The following XPO4 variants were observed in gnomAD, a reference collection of about 807,000 sequenced individuals.
XPO4 encodes the protein exportin 4.
In XPO4, 39 loss-of-function variants were observed where a neutral mutation model predicts 143.0. The ratio of observed to expected loss-of-function variants is 0.27; its 90% CI spans 0.21 to 0.36. XPO4 has a LOEUF of 0.36. XPO4 is among the 10% of genes least tolerant of loss of function. The pLI is 1.00. For synonymous variants in XPO4, 439 were observed against 474.0 expected, an observed-to-expected ratio of 0.93 and a Z score of 0.96; for missense variants, 907 against 1,348.0, an observed-to-expected ratio of 0.67 and a Z score of 5.12.
At chr13:20,841,962 A>G (rs1049655176) in intron 6 of XPO4, among the ~76,000 whole-genome samples, 3 of 152,262 alleles carry the variant, frequency 2.0e-5, no homozygotes, top group Non-Finnish European at 4.4e-5. Flanking sequence ...ACAGAGGCGT[A>G]TTAGTTCAAC....
intron 3 of XPO4, among the ~76,000 whole-genome samples, chr13:20,858,122 C>A (rs1423346207): frequency 6.6e-6 from 1 of 151,614 alleles, no homozygotes; most frequent in African/African-American, 2.4e-5. Flanking sequence ...TTAAAAGAGA[C>A]ATGACTAAAT....
chr13:20,799,782 T>G (rs2059408992), intron 15 of XPO4, among the ~76,000 whole-genome samples: 1 of 152,172 alleles, frequency 6.6e-6, no homozygotes, highest in Non-Finnish European at 1.5e-5. Context: ...GCACTAAAAA[T>G]TTTACTTTCC....
At chr13:20,809,605 T>C (rs369373129) in intron 10 of XPO4, among the ~76,000 whole-genome samples, 186 bp downstream of exon 10, 9 of 152,176 alleles carry the variant, frequency 5.9e-5, no homozygotes, top group South Asian at 2.1e-4. Flanking sequence ...TAACTGAAAA[T>C]TGAAAAGGAA....
rs2137988208 is a variant in XPO4 at position 20,827,157 on chromosome 13, C to T, written c.750G>A (p.Met250Ile). The T allele has an allele frequency of 5.0e-6, 8 of 1,613,690 alleles. No homozygotes were observed. The highest frequency in any genetic ancestry group is 6.8e-6 in the Non-Finnish European group (8 of 1,179,632). Residue 250 changes from methionine (M) to isoleucine (I), a missense_variant, in exon 7 of 23, where the codon ATG (methionine) becomes ATA (isoleucine). Met to Ile is a conservative substitution (Grantham distance 10). Coordinates refer to ENST00000255305, the MANE Select transcript of XPO4 (RefSeq NM_022459.5). Reference sequence around the variant, plus strand: ...ACAGCACATTTTGCGAGGATTCAAACATAGCTATATAATGTCTGCCCAGTT... The same window carrying T: ...ACAGCACATTTTGCGAGGATTCAAATATAGCTATATAATGTCTGCCCAGTT... Reference protein sequence around the residue: ...PPNLGRHYIAMFESSQNVLLK... With the variant: ...PPNLGRHYIAIFESSQNVLLK...
intron 6 of XPO4, among the ~76,000 whole-genome samples, chr13:20,838,491 T>A (rs1168347156): frequency 6.6e-6 from 1 of 150,962 alleles, no homozygotes; most frequent in Non-Finnish European, 1.5e-5. Flanking sequence ...GCACCTGTGG[T>A]CCCAGCTACT....
chr13:20,865,680 AG>A, intron 2 of XPO4: 8 of 834,450 alleles, frequency 9.6e-6, no homozygotes, highest in Non-Finnish European at 1.0e-5. Context: ...CTGACCAAAA[AG>A]TTTTTTTAAA....
chr13:20,879,430 GC>G, intron 1 of XPO4: 1 of 604,634 alleles, frequency 1.7e-6, no homozygotes, highest in Non-Finnish European at 2.1e-6. Context: ...CAGGTCTCTT[GC>G]CCATCACAAC....
chr13:20,796,235 C>T lies in XPO4; in HGVS notation c.2638G>A (p.Glu880Lys). 1 of 1,604,086 alleles carries T rather than the reference C, an allele frequency of 6.2e-7. No individual in the cohort carries two copies. The highest frequency in any genetic ancestry group is 8.5e-7 in the Non-Finnish European group (1 of 1,176,346). ...ACTTGCAACAAAGTAAGGCAGGCTT[C>T]ATATAAGTTCATAGCTTTGGACTGA... ...LGESKAMNLYEACLTLLQVYS... is the reference protein window; with the variant it reads ...LGESKAMNLYKACLTLLQVYS... The change falls in exon 18 of 23, where the codon GAA (glutamate) becomes AAA (lysine). Residue 880 changes from glutamate to lysine, a missense_variant. Coordinates refer to ENST00000255305, the MANE Select transcript of XPO4 (RefSeq NM_022459.5).
chr13:20,895,629 C>A (rs556528447), intron 1 of XPO4, among the ~76,000 whole-genome samples: 6 of 48,650 alleles, frequency 1.2e-4, no homozygotes, highest in African/African-American at 3.4e-4. Flanking sequence ...AAGACTCTGT[C>A]TCAAAAAAAA....
chr13:20,807,428 C>G, intron 13 of XPO4, 29 bp downstream of exon 13: 1 of 1,575,658 alleles, frequency 6.3e-7, no homozygotes, highest in Non-Finnish European at 8.6e-7. Flanking sequence ...ATAAAAATTA[C>G]AAGAGCACAG....
At chr13:20,799,050 A>C (rs754897984) in intron 16 of XPO4, 115 bp downstream of exon 16, 1 of 1,049,678 alleles carries the variant, frequency 9.5e-7, no homozygotes, top group East Asian at 2.5e-5. Context: ...AGAAAGAAAG[A>C]AAGAAAAGCT....
At chr13:20,892,528 A>G (rs2060528038) in intron 1 of XPO4, among the ~76,000 whole-genome samples, 2 of 152,156 alleles carry the variant, frequency 1.3e-5, no homozygotes, top group South Asian at 4.1e-4. Flanking sequence ...AATATTACTG[A>G]GCAACAAGGT....
chr13:20,886,291 GA>G (rs36026272), intron 1 of XPO4, among the ~76,000 whole-genome samples: 3 of 151,700 alleles, frequency 2.0e-5, no homozygotes, highest in Non-Finnish European at 2.9e-5. Flanking sequence ...ATTCAAGGAT[GA>G]AAAAAAATCA....
intron 2 of XPO4, 85 bp downstream of exon 2, chr13:20,868,511 G>A: frequency 2.0e-6 from 3 of 1,480,460 alleles, no homozygotes; most frequent in Non-Finnish European, 2.7e-6. Context: ...TTTTTAAAAA[G>A]GAATTTAAAA....
chr13:20,878,407 T>C (rs903595975), intron 1 of XPO4, among the ~76,000 whole-genome samples: 1 of 151,022 alleles, frequency 6.6e-6, no homozygotes, highest in Non-Finnish European at 1.5e-5. Flanking sequence ...TACAACATTA[T>C]AATAGAAAAA....
rs991315221 is a variant in XPO4, at chr13:20,780,200, A to C, written c.*3522T>G. On this transcript the variant is annotated 3_prime_UTR_variant, in exon 23 of 23. Coordinates refer to ENST00000255305, the MANE Select transcript of XPO4 (RefSeq NM_022459.5). ...AGGTTAATGTTTTATTCAGGAACCA[A>C]TAACAATAATTCCTCATCAAAGACA... 2 of 152,234 alleles carry C rather than the reference A, an allele frequency of 1.3e-5. No homozygotes were observed. The highest frequency in any genetic ancestry group is 4.8e-5 in the African/African-American group (2 of 41,460). 9.4% of individuals were successfully genotyped at this position (152,234 alleles called of 1,614,324 possible).
chr13:20,786,921 A>G, intron 22 of XPO4, 44 bp downstream of exon 22: 1 of 1,493,364 alleles, frequency 6.7e-7, no homozygotes, highest in Non-Finnish European at 9.0e-7. Context: ...TCTCTTTGCA[A>G]AATAGAATGA....
chr13:20,863,170 G>T lies in XPO4; in HGVS notation c.176-312C>A, dbSNP rs1445448407. On this transcript the variant is annotated intron_variant, in intron 2 of 22. Transcript: ENST00000255305. ...AAAAAAATAAAAATAAAAATATAAA[G>T]CAATCAGAAAATTTCCTAAGATTCT... 6.1e-6 allele frequency: 6 copies of T among 989,974 alleles called. No homozygotes were observed. The African/African-American group carries it at 8.7e-5, about 14-fold the overall frequency. 61.3% of individuals were successfully genotyped at this position (989,974 alleles called of 1,614,324 possible).
rs2059536681 is a variant in XPO4, at chr13:20,808,559, T to C, written c.1516A>G (p.Arg506Gly). The change falls in exon 12 of 23, where the codon AGA becomes GGA. Residue 506 changes from arginine to glycine, a missense_variant. By Grantham distance (125) the Arg-to-Gly change is moderately radical. Transcript: ENST00000255305. ...TGTCGTTGTAACTGACCATGGAGTC[T>C]TGTTACTCTTTCTTCTAATAAACTA... ...LTSLLEERVT[R>G]LHGQLQRHQQ... is the part of the protein sequence containing the mutation. The C allele has an allele frequency of 3.9e-6, 6 of 1,539,122 alleles. No homozygotes were observed. Among genetic ancestry groups the C allele is most frequent in the Non-Finnish European group, 5.3e-6 (6 of 1,128,456 alleles).
Sources: allele counts gnomAD v4.1 joint callset (sites outside exome capture counted in the v4.1 genomes callset), GRCh38; gene constraint gnomAD v4.1.1; transcripts MANE v1.5; gene names NCBI Gene and HGNC (gene_info 2026-07-23, HGNC 2026-07-21).